The following IQCM variants were observed in gnomAD, a reference collection of about 807,000 sequenced individuals.
The protein encoded by IQCM is IQ domain-containing protein M.
IQCM carries 45 observed loss-of-function variants against 57.6 expected under a neutral mutation model. The observed-to-expected ratio is 0.78, with a 90% confidence interval of 0.62 to 1.00. The LOEUF (loss-of-function observed/expected upper bound fraction) is 1.00, where lower values mean the gene tolerates loss of function less well. Ranked by LOEUF, IQCM falls within the 50% of genes least tolerant of loss-of-function variation. The probability of loss-of-function intolerance (pLI) is 0.00; values close to 1 mark genes in which losing one functional copy is unlikely to be tolerated. For missense variants in IQCM, 468 were observed against 511.6 expected (o/e 0.91, Z 0.82); for synonymous variants, 148 against 158.9 (o/e 0.93, Z 0.51).
At chr4:149,596,421 AT>A (rs1201945372) in intron 8 of IQCM, among the ~76,000 whole-genome samples, 9 of 152,064 alleles carry the variant, frequency 5.9e-5, no homozygotes, top group African/African-American at 2.2e-4. Context: ...TGCCTTGGGG[AT>A]GGTATGGCAA....
At chr4:149,726,140 A>AAAGAAAGAAAAG (rs1302249812) in intron 5 of IQCM, among the ~76,000 whole-genome samples, 1 of 130,744 alleles carries the variant, frequency 7.6e-6, no homozygotes, top group Non-Finnish European at 1.6e-5. Context: ...AGAAAGAAAG[A>AAAGAAAGAAAAG]AAAGAAAGAA....
At chr4:149,529,572 T>C (rs181239173) in intron 12 of IQCM, among the ~76,000 whole-genome samples, 21 of 152,328 alleles carry the variant, frequency 1.4e-4, no homozygotes, top group Admixed American at 9.8e-4. Flanking sequence ...AATCTTTGAA[T>C]AAAGATTTGC....
intron 13 of IQCM, among the ~76,000 whole-genome samples, chr4:149,374,268 A>C (rs933974245): frequency 2.6e-5 from 4 of 152,100 alleles, no homozygotes; most frequent in African/African-American, 9.7e-5. Context: ...TATTGTATCC[A>C]TCTATTTATT....
chr4:149,413,001 C>T lies in IQCM; in HGVS notation c.1390+20395G>A, dbSNP rs552514433. ...GAGTTTTGTTTTCAAAGCCAGTGGT[C>T]TCTAAAATCTTTTATTGTTCACCTC... On this transcript the variant is annotated intron_variant, in intron 13 of 13. Coordinates refer to ENST00000636793, the MANE Select transcript of IQCM (RefSeq NM_001363507.2). Among the ~76,000 whole-genome samples, 7 of 152,202 alleles carry T rather than the reference C, an allele frequency of 4.6e-5. No homozygotes were observed. In the South Asian group the frequency reaches 8.3e-4, roughly 18 times the overall value.
chr4:149,520,219 A>ATTT (rs538952958), intron 12 of IQCM, among the ~76,000 whole-genome samples: 18 of 126,700 alleles, frequency 1.4e-4, no homozygotes, highest in African/African-American at 3.9e-4. Flanking sequence ...GGTGGGCACC[A>ATTT]TTTTTTTTTT....
chr4:149,665,154 T>G (rs1416859240), intron 7 of IQCM, among the ~76,000 whole-genome samples: 1 of 152,116 alleles, frequency 6.6e-6, no homozygotes, highest in Non-Finnish European at 1.5e-5. Flanking sequence ...ACTCTGGTAG[T>G]AGGTCCAGCT....
At chr4:149,613,046 A>G (rs1474120089) in intron 8 of IQCM, among the ~76,000 whole-genome samples, 1 of 152,110 alleles carries the variant, frequency 6.6e-6, no homozygotes, top group African/African-American at 2.4e-5. Flanking sequence ...AAATCATATG[A>G]ATAAAAAGAA....
At chr4:149,661,659 A>C (rs1760225729) in intron 7 of IQCM, among the ~76,000 whole-genome samples, 1 of 152,092 alleles carries the variant, frequency 6.6e-6, no homozygotes, top group South Asian at 2.1e-4. Flanking sequence ...GATTTTCTAT[A>C]TCTTCATAAT....
chr4:149,632,455 T>A (rs953440712), intron 7 of IQCM, among the ~76,000 whole-genome samples: 1 of 152,196 alleles, frequency 6.6e-6, no homozygotes, highest in African/African-American at 2.4e-5. Flanking sequence ...AATAAGAATC[T>A]AATCCCCTAA....
intron 13 of IQCM, among the ~76,000 whole-genome samples, chr4:149,369,499 G>C (rs1360579353): frequency 6.6e-6 from 1 of 152,064 alleles, no homozygotes; most frequent in African/African-American, 2.4e-5. Flanking sequence ...TACATAACTT[G>C]GTATATTCCT....
intron 12 of IQCM, among the ~76,000 whole-genome samples, chr4:149,481,335 A>G (rs564341391): frequency 6.6e-6 from 1 of 152,126 alleles, no homozygotes; most frequent in South Asian, 2.1e-4. Flanking sequence ...TGCCCAGACC[A>G]ATGTCTTAGA....
intron 13 of IQCM, among the ~76,000 whole-genome samples, chr4:149,374,138 A>G (rs547251079): frequency 2.0e-5 from 3 of 152,220 alleles, no homozygotes; most frequent in South Asian, 2.1e-4. Context: ...CTCCAATCCA[A>G]TGTTAGACAC....
intron 13 of IQCM, among the ~76,000 whole-genome samples, chr4:149,419,462 C>T (rs1733975033): frequency 1.3e-5 from 2 of 152,046 alleles, no homozygotes; most frequent in South Asian, 2.1e-4. Context: ...AAACTGGATG[C>T]CTTCCTTACA....
intron 9 of IQCM, among the ~76,000 whole-genome samples, chr4:149,580,464 C>T (rs1217384411): frequency 1.3e-5 from 2 of 151,796 alleles, no homozygotes; most frequent in Non-Finnish European, 2.9e-5. Context: ...TAATTCATGT[C>T]ATGCTAAACT....
intron 12 of IQCM, among the ~76,000 whole-genome samples, chr4:149,515,114 G>A (rs1285325977): frequency 6.0e-5 from 9 of 150,434 alleles, no homozygotes; most frequent in South Asian, 4.2e-4. Flanking sequence ...GTGTGCAGGC[G>A]CCCATAGGTG....
intron 12 of IQCM, among the ~76,000 whole-genome samples, chr4:149,448,312 A>G (rs1736730780): frequency 6.6e-6 from 1 of 151,698 alleles, no homozygotes; most frequent in African/African-American, 2.4e-5. Flanking sequence ...TGAACTAAAC[A>G]GTAATGAAAA....
intron 2 of IQCM, among the ~76,000 whole-genome samples, chr4:149,778,220 CA>C (rs573035321): frequency 7.0e-4 from 106 of 152,006 alleles, no homozygotes; most frequent in Non-Finnish European, 1.4e-3. Flanking sequence ...ACTAAAAATA[CA>C]AAAAATTAGC....
chr4:149,508,595 C>T (rs749616310), intron 12 of IQCM, among the ~76,000 whole-genome samples: 4 of 152,208 alleles, frequency 2.6e-5, no homozygotes, highest in African/African-American at 2.4e-5. Flanking sequence ...TTACCCAATG[C>T]CTGTACCCGT....
intron 5 of IQCM, among the ~76,000 whole-genome samples, chr4:149,725,614 A>C (rs1765820903): frequency 6.6e-6 from 1 of 151,636 alleles, no homozygotes; most frequent in African/African-American, 2.4e-5. Flanking sequence ...TAAAATCTTC[A>C]CTTCCCTCTT....
Sources: gnomAD v4.1 joint callset for allele counts (sites outside exome capture counted in the v4.1 genomes callset) on GRCh38, gnomAD v4.1.1 for gene constraint, MANE v1.5 for transcripts, NCBI Gene and HGNC (gene_info 2026-07-23, HGNC 2026-07-21) for gene names.